The following ADGRB3 variants were observed in gnomAD, a reference collection of about 807,000 sequenced individuals.
The protein encoded by ADGRB3 is brain-specific angiogenesis inhibitor 3.
Under a neutral mutation model 193.4 loss-of-function variants are expected in ADGRB3, and 37 were observed. The ratio of observed to expected loss-of-function variants is 0.19; its 90% CI spans 0.15 to 0.25. The LOEUF (loss-of-function observed/expected upper bound fraction) is 0.25, where lower values mean the gene tolerates loss of function less well. Ranked by LOEUF, ADGRB3 falls within the 10% of genes least tolerant of loss-of-function variation. ADGRB3 has a pLI of 1.00. For synonymous variants in ADGRB3, 690 were observed against 644.2 expected (o/e 1.07, Z -1.08); for missense variants, 1,637 against 1,852.9 (o/e 0.88, Z 2.14).
chr6:69,078,667 T>C (rs1283348710), intron 17 of ADGRB3, among the ~76,000 whole-genome samples: 1 of 152,072 alleles, frequency 6.6e-6, no homozygotes. Context: ...TCTGTGTATC[T>C]CCTTGTACAT....
intron 3 of ADGRB3, among the ~76,000 whole-genome samples, chr6:68,840,146 T>A (rs1768123561): frequency 1.3e-5 from 2 of 152,112 alleles, no homozygotes; most frequent in South Asian, 4.1e-4. Context: ...AGACTGCAAC[T>A]CCTAAGCAAT....
chr6:69,109,175 T>A (rs1773299557), intron 17 of ADGRB3, among the ~76,000 whole-genome samples: 1 of 144,062 alleles, frequency 6.9e-6, no homozygotes, highest in South Asian at 2.2e-4. Flanking sequence ...TAAGCAAAAT[T>A]AAGAATTTGA....
At position 68,821,949 on chromosome 6, in the gene ADGRB3, G is replaced by A. The variant is rs561165266; in HGVS notation, c.758-108610G>A. The stretch of plus-strand genomic sequence containing the variant: ...TCATTTAATATTTTACAAAATCCAC[G>A]GAGGTAGGTACTATTATTATTTGTA... On this transcript the variant is annotated intron_variant, in intron 3 of 31. Transcript: ENST00000370598. Among the ~76,000 whole-genome samples, 16 of 151,950 alleles carry A rather than the reference G, an allele frequency of 1.1e-4. No homozygotes were observed. In the South Asian group the frequency reaches 1.2e-3, roughly 12 times the overall value.
chr6:69,263,672 C>T (rs2127274991), intron 20 of ADGRB3, among the ~76,000 whole-genome samples: 1 of 152,016 alleles, frequency 6.6e-6, no homozygotes, highest in Admixed American at 6.6e-5. Context: ...TCAGTGTTTG[C>T]TTTTGGATTA....
At chr6:68,986,095 C>T (rs1354253560) in intron 10 of ADGRB3, among the ~76,000 whole-genome samples, 2 of 152,070 alleles carry the variant, frequency 1.3e-5, no homozygotes. Context: ...TAAAGCTATT[C>T]CTTGTTTATA....
At chr6:69,181,242 A>G (rs1393632602) in intron 17 of ADGRB3, among the ~76,000 whole-genome samples, 1 of 152,042 alleles carries the variant, frequency 6.6e-6, no homozygotes, top group Non-Finnish European at 1.5e-5. Flanking sequence ...TTTATGCACT[A>G]TCTTTCTATT....
At position 69,370,454 on chromosome 6, in the gene ADGRB3, T is replaced by G. The variant is rs145635555; in HGVS notation, c.4240-1952T>G. Among the ~76,000 whole-genome samples, 28 of 152,268 alleles carry G rather than the reference T, an allele frequency of 1.8e-4. No homozygotes were observed. The East Asian group carries it at 4.1e-3, about 22-fold the overall frequency. On this transcript the variant is annotated intron_variant, in intron 29 of 31. Coordinates refer to ENST00000370598, the MANE Select transcript of ADGRB3 (RefSeq NM_001704.3). ...TAGGTTCTTTTGATTAAAATCTGTT[T>G]GTTTGATTTGTTCATTCCTTAGTCT...
intron 3 of ADGRB3, among the ~76,000 whole-genome samples, chr6:68,783,711 A>G (rs901716874): frequency 3.9e-5 from 6 of 151,978 alleles, no homozygotes; most frequent in African/African-American, 1.4e-4. Flanking sequence ...TTCACACTCA[A>G]GAAAATGGGA....
chr6:69,050,658 C>T (rs966015508), intron 15 of ADGRB3, among the ~76,000 whole-genome samples: 4 of 152,074 alleles, frequency 2.6e-5, no homozygotes, highest in African/African-American at 4.8e-5. Flanking sequence ...TCACTTATTT[C>T]AACAGGGAAT....
At position 69,190,963 on chromosome 6, in the gene ADGRB3, C is replaced by T. The variant is rs532563919; in HGVS notation, c.2481-42327C>T. On this transcript the variant is annotated intron_variant, in intron 17 of 31. Coordinates refer to ENST00000370598, the MANE Select transcript of ADGRB3 (RefSeq NM_001704.3). The stretch of plus-strand genomic sequence containing the variant: ...TATGTACCCCAGGTTTGTATTAGTA[C>T]ACTCTATGAGGTTTGTGCTACAAAA... 2.6e-5 allele frequency among the ~76,000 whole-genome samples: 4 copies of T among 152,200 alleles called. No individual in the cohort carries two copies. In the South Asian group the frequency reaches 6.2e-4, roughly 24 times the overall value.
intron 3 of ADGRB3, among the ~76,000 whole-genome samples, chr6:68,852,498 T>C (rs1409696812): frequency 6.6e-6 from 1 of 151,994 alleles, no homozygotes; most frequent in Non-Finnish European, 1.5e-5. Context: ...TTAAAGAGTA[T>C]AGACAAACAC....
chr6:69,306,907 A>G (rs1005883801), intron 20 of ADGRB3, among the ~76,000 whole-genome samples: 4 of 151,384 alleles, frequency 2.6e-5, no homozygotes, highest in African/African-American at 9.7e-5. Flanking sequence ...GTATTTCATC[A>G]TATTTGTTCC....
rs537644949 is a variant in ADGRB3, at chr6:69,088,729, G to A, written c.2480+12691G>A. Among the ~76,000 whole-genome samples, 88 of 152,252 alleles carry A rather than the reference G, an allele frequency of 5.8e-4. No homozygotes were observed. The South Asian group carries it at 0.018, about 31-fold the overall frequency. ...TCTTGCTCTTTTTCTTTTCTTTCAAGAGAGAAAAAAGTTTATTTTGCCACA... is the reference window on the plus strand; with the variant it reads ...TCTTGCTCTTTTTCTTTTCTTTCAAAAGAGAAAAAAGTTTATTTTGCCACA... On this transcript the variant is annotated intron_variant, in intron 17 of 31. Transcript: ENST00000370598.
intron 3 of ADGRB3, among the ~76,000 whole-genome samples, chr6:68,659,948 G>T (rs1037148317): frequency 1.2e-4 from 18 of 150,886 alleles, no homozygotes; most frequent in Admixed American, 9.9e-4. Context: ...AAAACAAATT[G>T]AGAATCCTTT....
At chr6:68,934,652 GTGTATTATA>G (rs1767435510) in intron 4 of ADGRB3, among the ~76,000 whole-genome samples, 1 of 151,976 alleles carries the variant, frequency 6.6e-6, no homozygotes, top group Non-Finnish European at 1.5e-5. Context: ...ATTTTAAAAA[GTGTATTATA>G]TTTTCCCTAA....
At chr6:68,908,498 T>G (rs1462168041) in intron 3 of ADGRB3, among the ~76,000 whole-genome samples, 1 of 152,150 alleles carries the variant, frequency 6.6e-6, no homozygotes, top group African/African-American at 2.4e-5. Context: ...AAAAGTGGGC[T>G]TTCTCCAAAA....
chr6:69,233,208 A>G (rs761582667), intron 17 of ADGRB3, 82 bp from the exon 18 acceptor site: 3 of 1,550,006 alleles, frequency 1.9e-6, no homozygotes, highest in East Asian at 2.3e-5. Flanking sequence ...GACTCTCTCA[A>G]TTAAACTGCA....
intron 10 of ADGRB3, among the ~76,000 whole-genome samples, 162 bp from the exon 11 acceptor site, chr6:68,993,602 CATCT>C (rs1403000878): frequency 2.0e-5 from 3 of 152,166 alleles, no homozygotes; most frequent in African/African-American, 4.8e-5. Flanking sequence ...GATGTTTATC[CATCT>C]GAGTATGGGA....
At chr6:69,137,223 T>G (rs1186871900) in intron 17 of ADGRB3, among the ~76,000 whole-genome samples, 4 of 152,082 alleles carry the variant, frequency 2.6e-5, no homozygotes, top group Admixed American at 6.5e-5. Context: ...CTTGTCTTTA[T>G]GCAGACTTGA....
Sources: gnomAD v4.1 joint callset for allele counts (sites outside exome capture counted in the v4.1 genomes callset) on GRCh38, gnomAD v4.1.1 for gene constraint, MANE v1.5 for transcripts, NCBI Gene and HGNC (gene_info 2026-07-23, HGNC 2026-07-21) for gene names.